Variants in TNS3 observed in about 807,000 individuals in gnomAD.
TNS3 encodes tensin-3.
A neutral mutation model predicts 140.9 loss-of-function variants in TNS3; 45 were observed. The observed-to-expected ratio is 0.32, with a 90% CI of 0.25 to 0.41. TNS3 has a LOEUF of 0.41. Among genes scored for constraint, TNS3 ranks in the 10% least tolerant of loss-of-function variants. The pLI is 1.00. For synonymous variants in TNS3, 815 were observed against 788.4 expected (o/e 1.03, Z -0.56); for missense variants, 1,716 against 1,906.7 (o/e 0.90, Z 1.86).
intron 4 of TNS3, among the ~76,000 whole-genome samples, chr7:47,461,534 C>A (rs914688224): frequency 6.6e-6 from 1 of 152,188 alleles, no homozygotes; most frequent in Non-Finnish European, 1.5e-5. Flanking sequence ...GCCTTCCTCA[C>A]CACCCCTGTC....
Position 47,415,111 on chromosome 7 carries a change from T to C in TNS3, c.569A>G (p.Asn190Ser), listed in dbSNP as rs571322363. ...LHFVILHGTP[N>S]FDTGGVCRPF... ...ACACTCACCTCCACCTGTGTCGAAG[T>C]TGGGGGTGCCGTGGAGGATGACAAA... is the stretch of plus-strand genomic sequence containing the variant. Residue 190 changes from asparagine to serine, a missense_variant, in exon 11 of 31, where the codon AAC becomes AGC. Asn to Ser is a conservative substitution (Grantham distance 46). Transcript: ENST00000311160. The C allele has an allele frequency of 3.9e-5, 63 of 1,611,910 alleles. 1 individual carries two copies. The Admixed American group carries it at 4.2e-4, about 11-fold the overall frequency.
In TNS3 at chr7:47,413,960, C is replaced by T; in HGVS notation, c.624G>A (p.Gln208=). The change falls in exon 12 of 31, where the codon CAG becomes CAA. Residue 208 remains glutamine (Q), a synonymous_variant. Coordinates refer to ENST00000311160, the MANE Select transcript of TNS3 (RefSeq NM_022748.12). ...ACTAGATCCCGGAGGTGTACACAGG[C>T]TGCATGGCTTGGTAGAGCTTCAGAA... ...RPFLKLYQAM[Q]PVYTSGIYNV... The T allele has an allele frequency of 6.2e-7, 1 of 1,613,930 alleles. No homozygotes were observed. The highest frequency in any genetic ancestry group is 8.5e-7 in the Non-Finnish European group (1 of 1,180,002).
At chr7:47,350,257 A>G (rs1288392496) in intron 17 of TNS3, among the ~76,000 whole-genome samples, 1 of 151,836 alleles carries the variant, frequency 6.6e-6, no homozygotes, top group Non-Finnish European at 1.5e-5. Flanking sequence ...AGGAAGGGGC[A>G]CTCTTCCTCC....
At chr7:47,355,280 C>T (rs993854851) in intron 17 of TNS3, among the ~76,000 whole-genome samples, 2 of 152,208 alleles carry the variant, frequency 1.3e-5, no homozygotes, top group Admixed American at 6.5e-5. Flanking sequence ...ACAGGAGGAG[C>T]TGGGGATGGT....
At chr7:47,287,527 A>G (rs550031058) in intron 27 of TNS3, among the ~76,000 whole-genome samples, 1 of 152,346 alleles carries the variant, frequency 6.6e-6, no homozygotes, top group South Asian at 2.1e-4. Flanking sequence ...AAAACTCACT[A>G]AATTGCTGGA....
intron 1 of TNS3, among the ~76,000 whole-genome samples, chr7:47,546,059 C>T (rs1799911960): frequency 6.6e-6 from 1 of 152,214 alleles, no homozygotes; most frequent in Non-Finnish European, 1.5e-5. Context: ...GCCCTGCTCT[C>T]CTGTAGCCTG....
At chr7:47,315,099 C>G (rs1207794850) in intron 20 of TNS3, among the ~76,000 whole-genome samples, 2 of 152,250 alleles carry the variant, frequency 1.3e-5, no homozygotes, top group African/African-American at 4.8e-5. Flanking sequence ...CACAGCCCTG[C>G]CAGCCACAGC....
At chr7:47,347,755 A>G (rs59837596) in intron 17 of TNS3, among the ~76,000 whole-genome samples, 46 of 152,236 alleles carry the variant, frequency 3.0e-4, no homozygotes, top group African/African-American at 1.1e-3. Context: ...CCACAGATCC[A>G]GGGAAAGAAG....
chr7:47,581,996 A>G (rs1784547383), intron 1 of TNS3, 55 bp downstream of exon 1: 1 of 151,854 alleles, frequency 6.6e-6, no homozygotes, highest in Admixed American at 6.6e-5. Context: ...GCCGGGCCCG[A>G]AACAAAGAGG....
In TNS3 at chr7:47,369,481, C is replaced by G. The variant is rs1790925224; in HGVS notation, c.1165G>C (p.Val389Leu). ...SPDHSDHTLS[V>L]SSDSGHSTAS... ...GTAGAGTGGCCGGAGTCACTGCTGA[C>G]AGACAAGGTGTGGTCACTGTGGTCT... is the stretch of plus-strand genomic sequence containing the variant. Residue 389 changes from valine (V) to leucine (L), a missense_variant, in exon 17 of 31, where the codon GTC (valine) becomes CTC (leucine). By Grantham distance (32) the Val-to-Leu change is conservative. Around this residue, in one of 3 missense-constraint regions of TNS3, gnomAD observed 1,163 missense variants for 1,182.1 expected, o/e 0.98. Coordinates refer to ENST00000311160, the MANE Select transcript of TNS3 (RefSeq NM_022748.12). 4 of 1,614,052 alleles carry G rather than the reference C, an allele frequency of 2.5e-6. No homozygotes were observed. The South Asian group carries it at 4.4e-5, about 18-fold the overall frequency.
chr7:47,293,629 T>C, intron 25 of TNS3, 104 bp downstream of exon 25: 1 of 968,338 alleles, frequency 1.0e-6, no homozygotes, highest in Non-Finnish European at 1.6e-6. Context: ...GAAATATGAG[T>C]AAACCACCAT....
chr7:47,314,911 G>T (rs1337097873), intron 20 of TNS3, among the ~76,000 whole-genome samples: 4 of 152,240 alleles, frequency 2.6e-5, no homozygotes, highest in Non-Finnish European at 4.4e-5. Flanking sequence ...GCACCACAGT[G>T]AGCATAATGG....
intron 17 of TNS3, among the ~76,000 whole-genome samples, chr7:47,359,039 T>G (rs1317965023): frequency 6.6e-6 from 1 of 152,142 alleles, no homozygotes; most frequent in African/African-American, 2.4e-5. Context: ...ACCCCTCTCC[T>G]GGGTAACGCC....
chr7:47,405,349 T>C, intron 13 of TNS3: 2 of 599,010 alleles, frequency 3.3e-6, no homozygotes, highest in East Asian at 2.8e-5. Flanking sequence ...CACTCAATGC[T>C]CCACTGGTGG....
At chr7:47,278,700 C>G (rs1418511786) in intron 30 of TNS3, 2 of 154,270 alleles carry the variant, frequency 1.3e-5, no homozygotes, top group Non-Finnish European at 1.4e-5. Context: ...CCACTGGGAC[C>G]GAAGGGGAAA....
chr7:47,541,382 A>C (rs1031155249), intron 1 of TNS3, among the ~76,000 whole-genome samples: 4 of 152,198 alleles, frequency 2.6e-5, no homozygotes, highest in Non-Finnish European at 4.4e-5. Context: ...ACACACACAC[A>C]GAGATACTCC....
rs1445421324 is a variant in TNS3 at position 47,276,675 on chromosome 7, A to C, written c.*1401T>G. On this transcript the variant is annotated 3_prime_UTR_variant, in exon 31 of 31. Coordinates refer to ENST00000311160, the MANE Select transcript of TNS3 (RefSeq NM_022748.12). ...AATTCCCCCAAACCTTTGACCACGA[A>C]CAGATTCAAGCAGGAAAACCAGGGC... 1 of 152,272 alleles carries C rather than the reference A, an allele frequency of 6.6e-6. No homozygotes were observed. Among genetic ancestry groups the C allele is most frequent in the African/African-American group, 2.4e-5 (1 of 41,456 alleles). 9.4% of individuals were successfully genotyped at this position (152,272 alleles called of 1,614,324 possible). A position where few individuals can be genotyped will look rare whatever the true frequency, so the allele number is the denominator to read the frequency against.
intron 20 of TNS3, among the ~76,000 whole-genome samples, chr7:47,325,335 C>A (rs1787969198): frequency 6.6e-6 from 1 of 152,152 alleles, no homozygotes; most frequent in Admixed American, 6.5e-5. Context: ...GTTTGTAAAA[C>A]CCTGTTTAAC....
chr7:47,406,998 C>T (rs1230232011), intron 13 of TNS3, among the ~76,000 whole-genome samples: 1 of 152,174 alleles, frequency 6.6e-6, no homozygotes, highest in East Asian at 1.9e-4. Flanking sequence ...CCTGCACACC[C>T]TCAGAACACC....
Sources: allele counts gnomAD v4.1 joint callset (sites outside exome capture counted in the v4.1 genomes callset), GRCh38; gene constraint gnomAD v4.1.1; regional missense constraint gnomAD v4.1.1; transcripts MANE v1.5; gene names NCBI Gene and HGNC (gene_info 2026-07-23, HGNC 2026-07-21).